The following ZFHX4 variants were observed in gnomAD, a reference collection of about 807,000 sequenced individuals.
ZFHX4 encodes the protein zinc finger homeobox protein 4.
A neutral mutation model predicts 267.6 loss-of-function variants in ZFHX4; 56 were observed. The ratio of observed to expected loss-of-function variants is 0.21; its 90% CI spans 0.17 to 0.26. The LOEUF (loss-of-function observed/expected upper bound fraction) is 0.26, where lower values mean the gene tolerates loss of function less well. Ranked by LOEUF, ZFHX4 falls within the 10% of genes least tolerant of loss-of-function variation. The pLI is 1.00. For synonymous variants in ZFHX4, 1,778 were observed against 1,665.6 expected, an observed-to-expected ratio of 1.07 and a Z score of -1.64; for missense variants, 4,332 against 4,420.0, an observed-to-expected ratio of 0.98 and a Z score of 0.56.
At chr8:76,770,099 A>G (rs1237285642) in intron 3 of ZFHX4, among the ~76,000 whole-genome samples, 1 of 152,156 alleles carries the variant, frequency 6.6e-6, no homozygotes, top group Non-Finnish European at 1.5e-5. Context: ...CTCTTTTCAA[A>G]GTTTTTCTGG....
rs747103651 is a variant in ZFHX4, at chr8:76,863,745, C to T, written c.10031C>T (p.Pro3344Leu). The T allele has an allele frequency of 3.2e-6, 5 of 1,554,202 alleles. No homozygotes were observed. In the South Asian group the frequency reaches 4.7e-5, roughly 15 times the overall value. Residue 3344 changes from proline (P) to leucine (L), a missense_variant, in exon 11 of 11, where the codon CCA (proline) becomes CTA (leucine). Physicochemically the swap from Pro to Leu is moderately conservative, Grantham distance 98. This residue lies in a region of ZFHX4 where 1,648 missense variants were observed against 1,625.0 expected (regional missense o/e 1.01). Transcript: ENST00000651372. Reference protein sequence around the residue: ...QKQQQEQQQKPVQAKTSKVES... With the variant: ...QKQQQEQQQKLVQAKTSKVES... The stretch of plus-strand genomic sequence containing the variant: ...CAACAGCAAGAACAGCAGCAGAAAC[C>T]AGTTCAGGCAAAGACATCCAAAGTA...
intron 4 of ZFHX4, among the ~76,000 whole-genome samples, chr8:76,825,056 T>C (rs1169991921): frequency 2.0e-5 from 3 of 152,340 alleles, no homozygotes; most frequent in Admixed American, 6.5e-5. Flanking sequence ...ATAATAGTGA[T>C]ATTTTAAAGG....
At chr8:76,842,888 ACTGT>A (rs1812273400) in intron 6 of ZFHX4, 117 bp downstream of exon 6, 1 of 668,962 alleles carries the variant, frequency 1.5e-6, no homozygotes, top group African/African-American at 1.8e-5. Flanking sequence ...TTCATTTTAA[ACTGT>A]CTGAACATTC....
intron 3 of ZFHX4, among the ~76,000 whole-genome samples, chr8:76,762,136 C>T (rs945448112): frequency 6.6e-6 from 1 of 152,040 alleles, no homozygotes; most frequent in African/African-American, 2.4e-5. Flanking sequence ...AGTAAGACAC[C>T]ATCCCCACTA....
Position 76,842,723 on chromosome 8 carries a change from AC to A in ZFHX4, c.3464del (p.Thr1155LysfsTer18). On this transcript the variant is annotated frameshift_variant, in exon 6 of 11. Transcript: ENST00000651372. LOFTEE classifies it high-confidence loss of function. ...TAVAEDDEKD[T>X]SERDNSEGKN... ...AGTGGCCGAGGACGATGAAAAAGACACAAGTGAGAGAGACAATAGTGAAGGC... is the reference window on the plus strand; with the variant it reads ...AGTGGCCGAGGACGATGAAAAAGACAAAGTGAGAGAGACAATAGTGAAGGC... 6.4e-7 allele frequency: 1 copy of A among 1,555,024 alleles called. No homozygotes were observed.
intron 3 of ZFHX4, among the ~76,000 whole-genome samples, chr8:76,739,880 GTCT>G (rs1302412421): frequency 1.3e-5 from 2 of 152,072 alleles, no homozygotes; most frequent in African/African-American, 2.4e-5. Context: ...AAACATGATT[GTCT>G]TCTTCTTACC....
Position 76,852,508 on chromosome 8 carries a change from G to A in ZFHX4, c.5587G>A (p.Glu1863Lys). 6.2e-7 allele frequency: 1 copy of A among 1,604,144 alleles called. No homozygotes were observed. Among genetic ancestry groups the A allele is most frequent in the Non-Finnish European group, 8.5e-7 (1 of 1,175,038 alleles). Residue 1863 changes from glutamate to lysine, a missense_variant, in exon 10 of 11, where the codon GAA (glutamate) becomes AAA (lysine). Physicochemically the swap from Glu to Lys is moderately conservative, Grantham distance 56. Around this residue, in one of 7 missense-constraint regions of ZFHX4, gnomAD observed 1,371 missense variants for 1,423.1 expected, o/e 0.96. Coordinates refer to ENST00000651372, the MANE Select transcript of ZFHX4 (RefSeq NM_024721.5). Reference sequence around the variant, plus strand: ...TTATAAGGAGGCAGAAGATATTTCTGAAAAGCCAGAAAAACCAAAGCAGGA... The same window carrying A: ...TTATAAGGAGGCAGAAGATATTTCTAAAAAGCCAGAAAAACCAAAGCAGGA... ...PSYKEAEDIS[E>K]KPEKPKQEFI...
At chr8:76,798,541 G>A (rs139920520) in intron 4 of ZFHX4, among the ~76,000 whole-genome samples, 32 of 152,286 alleles carry the variant, frequency 2.1e-4, no homozygotes, top group African/African-American at 7.0e-4. Flanking sequence ...CTATCACACA[G>A]CACTGCATAA....
Position 76,747,868 on chromosome 8 carries a change from G to A in ZFHX4, c.3094-30340G>A, listed in dbSNP as rs1331478596. 2.0e-5 allele frequency among the ~76,000 whole-genome samples: 3 copies of A among 152,048 alleles called. No homozygotes were observed. In the East Asian group the frequency reaches 5.8e-4, roughly 29 times the overall value. On this transcript the variant is annotated intron_variant, in intron 3 of 10. Transcript: ENST00000651372. ...AATCACTTGAACCTGGGAGGCGGAGGTTGCAGTGAGCCGAGATTGCGTCAC... is the reference window on the plus strand; with the variant it reads ...AATCACTTGAACCTGGGAGGCGGAGATTGCAGTGAGCCGAGATTGCGTCAC...
intron 3 of ZFHX4, among the ~76,000 whole-genome samples, chr8:76,770,292 T>C (rs914965261): frequency 6.6e-6 from 1 of 152,174 alleles, no homozygotes; most frequent in African/African-American, 2.4e-5. Flanking sequence ...TCTCTGTCAA[T>C]GGTAGCATCC....
Position 76,849,098 on chromosome 8 carries a change from T to C in ZFHX4, c.3615T>C (p.Pro1205=). 6.4e-7 allele frequency: 1 copy of C among 1,564,586 alleles called. No individual in the cohort carries two copies. Among genetic ancestry groups the C allele is most frequent in the Non-Finnish European group, 8.7e-7 (1 of 1,154,168 alleles). The change falls in exon 7 of 11, where the codon CCT becomes CCC. Residue 1205 remains proline (P), a synonymous_variant. Coordinates refer to ENST00000651372, the MANE Select transcript of ZFHX4 (RefSeq NM_024721.5). ...ATGTTGCAACAAAAAGGTCAAAACC[T>C]ACAGAGGACAATAAATTCTGTCATG... The part of the protein sequence containing the change: ...EEDVATKRSK[P]TEDNKFCHEQ...
At chr8:76,821,502 A>G (rs1047789438) in intron 4 of ZFHX4, among the ~76,000 whole-genome samples, 5 of 150,640 alleles carry the variant, frequency 3.3e-5, no homozygotes, top group Non-Finnish European at 5.9e-5. Context: ...GCTTTTAACA[A>G]GCTGACCTCT....
chr8:76,783,796 C>G (rs16939361), intron 4 of ZFHX4, among the ~76,000 whole-genome samples: 5,377 of 151,926 alleles, frequency 0.035, 101 homozygotes, highest in East Asian at 0.064. Flanking sequence ...TTCTCTAACC[C>G]GGTTCAAATG....
Position 76,864,593 on chromosome 8 carries a change from A to G in ZFHX4, c.*28A>G. The G allele has an allele frequency of 7.6e-7, 1 of 1,316,470 alleles. No individual in the cohort carries two copies. Among genetic ancestry groups the G allele is most frequent in the South Asian group, 2.0e-5 (1 of 50,134 alleles). The allele number at this position is 1,316,470 out of a possible 1,614,324, so 81.5% of individuals were successfully genotyped here. A position where few individuals can be genotyped will look rare whatever the true frequency, so the allele number is the denominator to read the frequency against. On this transcript the variant is annotated 3_prime_UTR_variant, in exon 11 of 11. Coordinates refer to ENST00000651372, the MANE Select transcript of ZFHX4 (RefSeq NM_024721.5). ...GTGAAGACAGGATCCCGTGCTTAAA[A>G]AAATAAAAAATAAAAAAATAAAAAA...
intron 1 of ZFHX4, 143 bp downstream of exon 1, chr8:76,681,763 A>G (rs1471263813): frequency 3.3e-6 from 1 of 307,080 alleles, no homozygotes; most frequent in African/African-American, 2.2e-5. Context: ...CTCTACCCCT[A>G]CCTCGCTCGC....
intron 5 of ZFHX4, among the ~76,000 whole-genome samples, chr8:76,835,245 A>ATATATGTG (rs1195708125): frequency 7.7e-6 from 1 of 129,178 alleles, no homozygotes; most frequent in African/African-American, 3.1e-5. Flanking sequence ...ATATATGTAT[A>ATATATGTG]TATATATATA....
At chr8:76,734,550 T>C (rs1314036332) in intron 3 of ZFHX4, among the ~76,000 whole-genome samples, 1 of 152,140 alleles carries the variant, frequency 6.6e-6, no homozygotes, top group Non-Finnish European at 1.5e-5. Context: ...TTTTTGCAGC[T>C]TTCATTAGTC....
At chr8:76,731,856 C>CATT (rs76950838) in intron 3 of ZFHX4, among the ~76,000 whole-genome samples, 17,251 of 143,696 alleles carry the variant, frequency 0.12, 1,240 homozygotes, top group African/African-American at 0.2. Context: ...TGGTGCCACA[C>CATT]ATTATTATTA....
At chr8:76,766,924 T>A (rs1324004090) in intron 3 of ZFHX4, among the ~76,000 whole-genome samples, 3 of 152,070 alleles carry the variant, frequency 2.0e-5, no homozygotes, top group South Asian at 2.1e-4. Context: ...TTGGCCAATG[T>A]CAGTTGTTTA....
Sources: gnomAD v4.1 joint callset for allele counts (sites outside exome capture counted in the v4.1 genomes callset) on GRCh38, gnomAD v4.1.1 for gene constraint, gnomAD v4.1.1 regional missense constraint, MANE v1.5 for transcripts, NCBI Gene and HGNC (gene_info 2026-07-23, HGNC 2026-07-21) for gene names.